The following ST8SIA6 variants were observed in gnomAD, a reference collection of about 807,000 sequenced individuals.
ST8SIA6 encodes alpha-2,8-sialyltransferase 8F.
Under a neutral mutation model 33.6 loss-of-function variants are expected in ST8SIA6, and 39 were observed. That is an observed-to-expected ratio of 1.16 (90% CI 0.90 to 1.52). ST8SIA6 has a LOEUF of 1.52. ST8SIA6 is among the 40% of genes most tolerant of loss of function. ST8SIA6 has a pLI of 0.00. For missense variants in ST8SIA6, 441 were observed against 443.8 expected (o/e 0.99, Z 0.06); for synonymous variants, 172 against 167.2 (o/e 1.03, Z -0.22).
intron 2 of ST8SIA6, among the ~76,000 whole-genome samples, chr10:17,415,834 G>C (rs540474498): frequency 8.1e-4 from 93 of 115,520 alleles, no homozygotes; most frequent in African/African-American, 3.2e-3. Flanking sequence ...TTTTGAGACA[G>C]AATCCTGCTC....
intron 3 of ST8SIA6, among the ~76,000 whole-genome samples, chr10:17,364,366 G>C (rs1423967014): frequency 6.6e-6 from 1 of 152,104 alleles, no homozygotes; most frequent in Non-Finnish European, 1.5e-5. Context: ...ATGGTAACTG[G>C]TATGTAAAAC....
At chr10:17,372,368 C>T (rs1849762956) in intron 3 of ST8SIA6, among the ~76,000 whole-genome samples, 1 of 152,154 alleles carries the variant, frequency 6.6e-6, no homozygotes, top group African/African-American at 2.4e-5. Context: ...TTTCCGTTTT[C>T]AAATTTCTGA....
chr10:17,340,295 C>T (rs1588805081), intron 4 of ST8SIA6, among the ~76,000 whole-genome samples: 1 of 152,036 alleles, frequency 6.6e-6, no homozygotes, highest in East Asian at 1.9e-4. Flanking sequence ...ACCCTGGTCA[C>T]CTGTTCCGTC....
chr10:17,390,395 CAGG>C (rs1850545751), intron 3 of ST8SIA6, 133 bp downstream of exon 3: 1 of 695,612 alleles, frequency 1.4e-6, no homozygotes, highest in Non-Finnish European at 2.4e-6. Context: ...TGCTCATTAA[CAGG>C]AGCTTCAGAG....
intron 4 of ST8SIA6, among the ~76,000 whole-genome samples, chr10:17,358,681 AGAG>A (rs1053929029): frequency 4.2e-5 from 3 of 71,640 alleles, no homozygotes; most frequent in Non-Finnish European, 8.8e-5. Flanking sequence ...AGAAAGAAGA[AGAG>A]GAAGAGGAAA....
intron 3 of ST8SIA6, among the ~76,000 whole-genome samples, chr10:17,365,921 A>T (rs897732705): frequency 5.9e-5 from 9 of 152,166 alleles, no homozygotes; most frequent in Non-Finnish European, 1.2e-4. Flanking sequence ...TAGTTTTCTG[A>T]GTGATGTTCT....
At chr10:17,453,229 T>C (rs569079940) in intron 2 of ST8SIA6, among the ~76,000 whole-genome samples, 4 of 130,392 alleles carry the variant, frequency 3.1e-5, no homozygotes, top group Non-Finnish European at 6.4e-5. Context: ...CAGGCTGAGC[T>C]GCTTCTCTCC....
intron 1 of ST8SIA6, among the ~76,000 whole-genome samples, 174 bp downstream of exon 1, chr10:17,453,981 G>A (rs1005103702): frequency 6.6e-6 from 1 of 151,994 alleles, no homozygotes; most frequent in Non-Finnish European, 1.5e-5. Context: ...TCGGAGGGTC[G>A]CCTCCCTGCG....
chr10:17,435,488 T>C (rs543534565), intron 2 of ST8SIA6, among the ~76,000 whole-genome samples: 113 of 152,344 alleles, frequency 7.4e-4, no homozygotes, highest in Non-Finnish European at 1.4e-3. Flanking sequence ...ATGAGAATAT[T>C]ACCAGTTCTA....
chr10:17,335,366 C>G (rs1392222862), intron 4 of ST8SIA6, among the ~76,000 whole-genome samples: 1 of 152,194 alleles, frequency 6.6e-6, no homozygotes, highest in African/African-American at 2.4e-5. Flanking sequence ...AGCTTCCAAA[C>G]ATGTTTCTAC....
intron 4 of ST8SIA6, among the ~76,000 whole-genome samples, chr10:17,355,088 G>C (rs1181527422): frequency 2.6e-5 from 4 of 152,180 alleles, no homozygotes; most frequent in Admixed American, 2.0e-4. Flanking sequence ...AAATTGCTGA[G>C]AAGATAGACT....
At chr10:17,446,881 C>CAA (rs539808399) in intron 2 of ST8SIA6, among the ~76,000 whole-genome samples, 5 of 133,568 alleles carry the variant, frequency 3.7e-5, no homozygotes, top group African/African-American at 8.3e-5. Context: ...TGGTGTCTAC[C>CAA]AAAAAAAAAA....
intron 2 of ST8SIA6, among the ~76,000 whole-genome samples, chr10:17,391,240 G>A (rs1483101762): frequency 2.0e-5 from 3 of 151,368 alleles, no homozygotes; most frequent in African/African-American, 7.3e-5. Context: ...TTTAATCACT[G>A]TGTGTTTATT....
chr10:17,345,664 G>A (rs1339566627), intron 4 of ST8SIA6, among the ~76,000 whole-genome samples: 1 of 152,134 alleles, frequency 6.6e-6, no homozygotes, highest in Non-Finnish European at 1.5e-5. Flanking sequence ...GAGAACTATA[G>A]CAAGAGTCTT....
chr10:17,319,341 C>T lies in ST8SIA6; in HGVS notation c.*1537G>A, dbSNP rs1280567178. 1.3e-5 allele frequency among the ~76,000 whole-genome samples: 2 copies of T among 152,092 alleles called. No individual in the cohort carries two copies. Among genetic ancestry groups the T allele is most frequent in the African/African-American group, 4.8e-5 (2 of 41,418 alleles). ...ATTACCACCAATTCTGACTATAACA[C>T]ACTTTATGAAATCTCGGGGTGTCTG... On this transcript the variant is annotated 3_prime_UTR_variant, in exon 8 of 8. Coordinates refer to ENST00000377602, the MANE Select transcript of ST8SIA6 (RefSeq NM_001004470.3).
At chr10:17,436,197 T>C (rs1280696868) in intron 2 of ST8SIA6, among the ~76,000 whole-genome samples, 1 of 152,186 alleles carries the variant, frequency 6.6e-6, no homozygotes, top group South Asian at 2.1e-4. Context: ...ATAACACTTG[T>C]CTTACTGATA....
chr10:17,333,717 A>ATTTTTTTTTTTTTTT (rs71392102), intron 4 of ST8SIA6, among the ~76,000 whole-genome samples: 2 of 33,754 alleles, frequency 5.9e-5, no homozygotes, highest in African/African-American at 1.7e-4. Context: ...ATATATATAT[A>ATTTTTTTTTTTTTTT]TTTTTTTTTT....
chr10:17,398,852 CT>C (rs1850924608), intron 2 of ST8SIA6, among the ~76,000 whole-genome samples: 1 of 152,146 alleles, frequency 6.6e-6, no homozygotes, highest in Admixed American at 6.5e-5. Flanking sequence ...TGACCTGCCC[CT>C]GGGACAGAGG....
intron 2 of ST8SIA6, among the ~76,000 whole-genome samples, chr10:17,419,215 T>G (rs1001531885): frequency 6.6e-6 from 1 of 151,896 alleles, no homozygotes; most frequent in African/African-American, 2.4e-5. Context: ...TTTTTCTCCA[T>G]GTGGAGAATG....
Sources: allele counts gnomAD v4.1 joint callset (sites outside exome capture counted in the v4.1 genomes callset), GRCh38; gene constraint gnomAD v4.1.1; transcripts MANE v1.5; gene names NCBI Gene and HGNC (gene_info 2026-07-23, HGNC 2026-07-21).